Variants in KDM3B observed in about 807,000 individuals in gnomAD.
The protein encoded by KDM3B is lysine demethylase 3B.
A neutral mutation model predicts 170.0 loss-of-function variants in KDM3B; 10 were observed. That is an observed-to-expected ratio of 0.06 (90% CI 0.04 to 0.10). The LOEUF (loss-of-function observed/expected upper bound fraction) is 0.10, where lower values mean the gene tolerates loss of function less well. KDM3B is among the 10% of genes least tolerant of loss of function. The pLI, the probability that KDM3B is intolerant of heterozygous loss-of-function variation, is 1.00. For missense variants in KDM3B, 1,394 were observed against 2,195.2 expected, an observed-to-expected ratio of 0.64 and a Z score of 7.29; for synonymous variants, 831 against 834.8, an observed-to-expected ratio of 1.00 and a Z score of 0.08.
chr5:138,425,247 T>G (rs991910825), intron 16 of KDM3B, among the ~76,000 whole-genome samples, 164 bp from the exon 17 acceptor site: 3 of 152,208 alleles, frequency 2.0e-5, no homozygotes, highest in Admixed American at 6.5e-5. Flanking sequence ...TTCCTTTCAC[T>G]TTAGTTGACA....
At chr5:138,353,044 C>A (rs1037450347) in intron 1 of KDM3B, 57 bp downstream of exon 1, 11 of 1,182,296 alleles carry the variant, frequency 9.3e-6, no homozygotes, top group Non-Finnish European at 1.2e-5. Flanking sequence ...TGCGGGCGGC[C>A]TCCCCGGGGG....
At chr5:138,398,081 T>C in intron 9 of KDM3B, 97 bp from the exon 10 acceptor site, 2 of 885,908 alleles carry the variant, frequency 2.3e-6, no homozygotes, top group Non-Finnish European at 3.5e-6. Context: ...GTCTGATTCC[T>C]GTTGTCTCAT....
At chr5:138,411,676 T>C (rs920092659) in intron 11 of KDM3B, among the ~76,000 whole-genome samples, 3 of 151,756 alleles carry the variant, frequency 2.0e-5, no homozygotes, top group Admixed American at 6.6e-5. Flanking sequence ...ATGAAAAATA[T>C]AAAAGTTTAT....
At chr5:138,418,473 AG>A (rs1314619598) in intron 13 of KDM3B, among the ~76,000 whole-genome samples, 1 of 152,230 alleles carries the variant, frequency 6.6e-6, no homozygotes, top group Non-Finnish European at 1.5e-5. Context: ...TAAGAGGCAC[AG>A]GGATTAATGC....
rs913179262 is a variant in KDM3B, at chr5:138,430,516, T to C, written c.5070+91T>C. Reference sequence around the variant, plus strand: ...TAATCTACCAAGAGATTTAAGTAGCTGGATTGGACTGATCTCTCTTATGCT... The same window carrying C: ...TAATCTACCAAGAGATTTAAGTAGCCGGATTGGACTGATCTCTCTTATGCT... On this transcript the variant is annotated intron_variant, in intron 22 of 23. Coordinates refer to ENST00000314358, the MANE Select transcript of KDM3B (RefSeq NM_016604.4). 8.9e-6 allele frequency: 10 copies of C among 1,125,630 alleles called. No homozygotes were observed. The South Asian group carries it at 1.3e-4, about 14-fold the overall frequency. The allele number at this position is 1,125,630 out of a possible 1,614,324, so 69.7% of individuals were successfully genotyped here. A position where few individuals can be genotyped will look rare whatever the true frequency, so the allele number is the denominator to read the frequency against.
In KDM3B at chr5:138,435,683, A is replaced by G; in HGVS notation, c.5269A>G (p.Lys1757Glu). Residue 1757 changes from lysine (K) to glutamate (E), a missense_variant, in exon 24 of 24, where the codon AAA becomes GAA. By Grantham distance (56) the Lys-to-Glu change is moderately conservative. Around this residue, in one of 19 missense-constraint regions of KDM3B, gnomAD observed 79 missense variants for 270.5 expected, o/e 0.29. Coordinates refer to ENST00000314358, the MANE Select transcript of KDM3B (RefSeq NM_016604.4). ...TGGCACCCTCAAGGCTCATGAATCCAAACTGGCAAGGTCCTAGGCATGGAG... is the reference window on the plus strand; with the variant it reads ...TGGCACCCTCAAGGCTCATGAATCCGAACTGGCAAGGTCCTAGGCATGGAG... ...AVGTLKAHES[K>E]LARS 6.2e-7 allele frequency: 1 copy of G among 1,613,590 alleles called. No homozygotes were observed.
intron 1 of KDM3B, among the ~76,000 whole-genome samples, chr5:138,358,307 T>TC (rs1356342690): frequency 1.5e-5 from 2 of 137,822 alleles, no homozygotes; most frequent in Non-Finnish European, 3.1e-5. Flanking sequence ...TCTTTCTTTC[T>TC]TTTTTTTTTT....
At chr5:138,427,404 G>A in intron 19 of KDM3B, 85 bp downstream of exon 19, 1 of 1,453,088 alleles carries the variant, frequency 6.9e-7, no homozygotes, top group Middle Eastern at 1.8e-4. Context: ...TCAATGTCAG[G>A]TATAGAGATG....
At position 138,386,180 on chromosome 5, in the gene KDM3B, G is replaced by A; in HGVS notation, c.939G>A (p.Gly313=). Residue 313 remains glycine, a synonymous_variant, in exon 7 of 24, where the codon GGG becomes GGA. Coordinates refer to ENST00000314358, the MANE Select transcript of KDM3B (RefSeq NM_016604.4). ...ACAGGGGTGAAGTAGACAGTAATGG[G>A]AGCGATGGAGGTGAGGCAAGCCGAG... ...KGDRGEVDSN[G]SDGGEASRGP... 8.1e-6 allele frequency: 13 copies of A among 1,614,192 alleles called. No individual in the cohort carries two copies. The highest frequency in any genetic ancestry group is 1.1e-5 in the Non-Finnish European group (13 of 1,180,036).
At chr5:138,420,321 C>T (rs1174985745) in intron 14 of KDM3B, among the ~76,000 whole-genome samples, 1 of 152,192 alleles carries the variant, frequency 6.6e-6, no homozygotes, top group Non-Finnish European at 1.5e-5. Flanking sequence ...ATTCCTGTGT[C>T]CCGCCCAGAA....
chr5:138,409,291 T>C (rs1421322462), intron 11 of KDM3B, among the ~76,000 whole-genome samples: 1 of 151,972 alleles, frequency 6.6e-6, no homozygotes, highest in Non-Finnish European at 1.5e-5. Flanking sequence ...ATCATCTATG[T>C]AGAAATCCAG....
At chr5:138,433,204 T>C (rs539042155) in intron 23 of KDM3B, among the ~76,000 whole-genome samples, 2 of 151,750 alleles carry the variant, frequency 1.3e-5, no homozygotes, top group South Asian at 4.2e-4. Context: ...CTCCACCATC[T>C]GGGTTCAAGC....
intron 1 of KDM3B, among the ~76,000 whole-genome samples, chr5:138,369,608 A>C (rs150904308): frequency 6.6e-6 from 1 of 152,270 alleles, no homozygotes; most frequent in African/African-American, 2.4e-5. Flanking sequence ...TTTTAGCCTC[A>C]TTGGCTACTG....
intron 19 of KDM3B, 99 bp downstream of exon 19, chr5:138,427,418 G>A: frequency 7.5e-7 from 1 of 1,337,132 alleles, no homozygotes; most frequent in Non-Finnish European, 1.0e-6. Flanking sequence ...AGAGATGATT[G>A]CAGGCAAGTG....
At chr5:138,353,611 A>AG (rs1284863735) in intron 1 of KDM3B, among the ~76,000 whole-genome samples, 1 of 152,152 alleles carries the variant, frequency 6.6e-6, no homozygotes, top group Non-Finnish European at 1.5e-5. Flanking sequence ...TCTGGGTGAC[A>AG]GGAGCTGCAG....
chr5:138,377,200 AT>A (rs1457212943), intron 3 of KDM3B, among the ~76,000 whole-genome samples: 1 of 152,218 alleles, frequency 6.6e-6, no homozygotes, highest in Non-Finnish European at 1.5e-5. Context: ...CACTTAGTAA[AT>A]GTTGGATAAA....
chr5:138,411,225 G>A (rs1396940198), intron 11 of KDM3B, among the ~76,000 whole-genome samples: 5 of 152,156 alleles, frequency 3.3e-5, no homozygotes, highest in Admixed American at 1.3e-4. Flanking sequence ...GGCCCTGTCC[G>A]GGCATAACAG....
intron 13 of KDM3B, chr5:138,418,073 T>TG (rs559884049): frequency 1.5e-5 from 2 of 133,902 alleles, no homozygotes; most frequent in African/African-American, 2.7e-5. Flanking sequence ...GTTTTGGTTT[T>TG]GGTTTTTTTT....
chr5:138,412,204 C>T (rs939110081), intron 11 of KDM3B, among the ~76,000 whole-genome samples: 5 of 151,354 alleles, frequency 3.3e-5, no homozygotes, highest in South Asian at 4.2e-4. Flanking sequence ...GGCGTGGTGG[C>T]GGGCACCTGT....
Sources: allele counts gnomAD v4.1 joint callset (sites outside exome capture counted in the v4.1 genomes callset), GRCh38; gene constraint gnomAD v4.1.1; regional missense constraint gnomAD v4.1.1; transcripts MANE v1.5; gene names NCBI Gene and HGNC (gene_info 2026-07-23, HGNC 2026-07-21).